SORCS3: variants seen among roughly 807,000 people sequenced by gnomAD.
SORCS3 encodes the protein VPS10 domain-containing receptor SorCS3.
SORCS3 carries 57 observed loss-of-function variants against 146.3 expected under a neutral mutation model. That is an observed-to-expected ratio of 0.39 (90% confidence interval 0.31 to 0.49). The LOEUF (loss-of-function observed/expected upper bound fraction) is 0.49, where lower values mean the gene tolerates loss of function less well. Among genes scored for constraint, SORCS3 ranks in the 20% least tolerant of loss-of-function variants. The probability of loss-of-function intolerance (pLI) is 0.92; values close to 1 mark genes in which losing one functional copy is unlikely to be tolerated. For synonymous variants in SORCS3, 653 were observed against 618.5 expected, an observed-to-expected ratio of 1.06 and a Z score of -0.83; for missense variants, 1,341 against 1,575.5, an observed-to-expected ratio of 0.85 and a Z score of 2.52.
intron 1 of SORCS3, among the ~76,000 whole-genome samples, chr10:104,805,752 T>A (rs1236394019): frequency 6.6e-6 from 1 of 152,156 alleles, no homozygotes; most frequent in East Asian, 1.9e-4. Context: ...ATTCCTGTCA[T>A]TTCCCAGCCT....
In SORCS3 at chr10:105,263,389, G is replaced by A. The variant is rs773040585; in HGVS notation, c.*15G>A. The A allele has an allele frequency of 8.8e-5, 142 of 1,613,060 alleles. No homozygotes were observed. In the East Asian group the frequency reaches 1.7e-3, roughly 19 times the overall value. ...CTAGTGTTTAATACCAGCAAGCCAC[G>A]TGGTCAACCACCTTTCTGACTTTTT... On this transcript the variant is annotated 3_prime_UTR_variant, in exon 27 of 27. Coordinates refer to ENST00000369701, the MANE Select transcript of SORCS3 (RefSeq NM_014978.3).
chr10:105,106,089 G>T (rs191109758), intron 7 of SORCS3, among the ~76,000 whole-genome samples: 37 of 152,084 alleles, frequency 2.4e-4, no homozygotes, highest in Admixed American at 6.6e-4. Flanking sequence ...TCTCTATTGT[G>T]TACTATAAGG....
At chr10:104,736,289 G>A (rs143378124) in intron 1 of SORCS3, among the ~76,000 whole-genome samples, 1,912 of 152,262 alleles carry the variant, frequency 0.013, 32 homozygotes, top group African/African-American at 0.038. Flanking sequence ...AGGCCACGGC[G>A]GGGCGGGTTG....
rs533908542 is a variant in SORCS3 at position 105,137,955 on chromosome 10, G to A, written c.1213-1442G>A. Among the ~76,000 whole-genome samples, 219 of 150,274 alleles carry A rather than the reference G, an allele frequency of 1.5e-3. 2 individuals are homozygous for A. Among genetic ancestry groups the A allele is most frequent in the Admixed American group, 5.6e-3 (85 of 15,086 alleles). On this transcript the variant is annotated intron_variant, in intron 7 of 26. Transcript: ENST00000369701. Reference sequence around the variant, plus strand: ...TAAGGATGATATTTTATGCACTTGAGACTTATTTGGAAAAGGAAAAAGACT... The same window carrying A: ...TAAGGATGATATTTTATGCACTTGAAACTTATTTGGAAAAGGAAAAAGACT...
At chr10:104,768,523 A>G (rs1428254728) in intron 1 of SORCS3, among the ~76,000 whole-genome samples, 1 of 152,232 alleles carries the variant, frequency 6.6e-6, no homozygotes, top group African/African-American at 2.4e-5. Context: ...AAAAAATTAG[A>G]TAAGCAAAAA....
At chr10:104,988,774 A>G (rs910417401) in intron 4 of SORCS3, among the ~76,000 whole-genome samples, 22 of 152,338 alleles carry the variant, frequency 1.4e-4, no homozygotes, top group Middle Eastern at 3.4e-3. Flanking sequence ...TGTTTGTTCA[A>G]TTTGCTAAAG....
chr10:105,179,173 A>G (rs1033697372), intron 14 of SORCS3, among the ~76,000 whole-genome samples: 3 of 152,166 alleles, frequency 2.0e-5, no homozygotes, highest in Admixed American at 2.0e-4. Flanking sequence ...TATGAGGCCT[A>G]TTTGAACTCA....
In SORCS3 at chr10:104,877,657, G is replaced by A. The variant is rs556236408; in HGVS notation, c.695+34798G>A. Among the ~76,000 whole-genome samples, 145 of 152,200 alleles carry A rather than the reference G, an allele frequency of 9.5e-4. 7 individuals carry two copies. The South Asian group carries it at 0.029, about 31-fold the overall frequency. On this transcript the variant is annotated intron_variant, in intron 2 of 26. Transcript: ENST00000369701. ...TGTATACAAATCATTTCAATGCAAG[G>A]CCATTTAAGGGAATACCATATAAGG...
At chr10:104,968,164 G>A (rs138105589) in intron 3 of SORCS3, among the ~76,000 whole-genome samples, 2,174 of 152,250 alleles carry the variant, frequency 0.014, 47 homozygotes, top group African/African-American at 0.05. Flanking sequence ...TGCCCAAGCT[G>A]GAGTGTAATG....
At chr10:104,941,264 G>A (rs1020562031) in intron 3 of SORCS3, among the ~76,000 whole-genome samples, 2 of 152,050 alleles carry the variant, frequency 1.3e-5, no homozygotes, top group African/African-American at 4.8e-5. Flanking sequence ...TAACCTCCTG[G>A]GATGCAGCTC....
chr10:104,830,833 G>T (rs2017992542), intron 1 of SORCS3, among the ~76,000 whole-genome samples: 2 of 151,870 alleles, frequency 1.3e-5, no homozygotes, highest in Non-Finnish European at 2.9e-5. Flanking sequence ...TTCTTTTGAG[G>T]CAAGGTCTTT....
intron 1 of SORCS3, among the ~76,000 whole-genome samples, chr10:104,786,724 C>T (rs957744985): frequency 6.6e-6 from 1 of 152,046 alleles, no homozygotes; most frequent in African/African-American, 2.4e-5. Flanking sequence ...CAGGTCCTTG[C>T]CTCTGTGGGT....
chr10:105,122,874 T>C (rs1369005770), intron 7 of SORCS3, among the ~76,000 whole-genome samples: 2 of 152,170 alleles, frequency 1.3e-5, no homozygotes, highest in Non-Finnish European at 2.9e-5. Flanking sequence ...GAAGTGACTC[T>C]TGGAAGGAGA....
chr10:105,185,328 A>G (rs1241105882), intron 14 of SORCS3, among the ~76,000 whole-genome samples: 1 of 152,142 alleles, frequency 6.6e-6, no homozygotes, highest in Non-Finnish European at 1.5e-5. Flanking sequence ...TGGAGCCCAC[A>G]TTTGCAAAAT....
chr10:104,711,303 T>C (rs2016413354), intron 1 of SORCS3, among the ~76,000 whole-genome samples: 2 of 152,216 alleles, frequency 1.3e-5, no homozygotes, highest in Non-Finnish European at 1.5e-5. Flanking sequence ...GGTTTTAAAC[T>C]TGGACAGTCT....
intron 2 of SORCS3, among the ~76,000 whole-genome samples, chr10:104,861,748 G>A (rs1466075384): frequency 6.6e-6 from 1 of 152,172 alleles, no homozygotes; most frequent in Non-Finnish European, 1.5e-5. Flanking sequence ...GTGTCAGCCT[G>A]ATAGGGCCAC....
At chr10:105,025,363 C>G (rs964749028) in intron 4 of SORCS3, among the ~76,000 whole-genome samples, 5 of 152,102 alleles carry the variant, frequency 3.3e-5, no homozygotes, top group African/African-American at 1.2e-4. Context: ...CTTTGAGCAA[C>G]AAGTCATGTC....
At chr10:104,914,941 T>G (rs1354983109) in intron 2 of SORCS3, among the ~76,000 whole-genome samples, 1 of 147,790 alleles carries the variant, frequency 6.8e-6, no homozygotes, top group East Asian at 2.0e-4. Context: ...AGGACAGTGA[T>G]GACGGGAAGA....
intron 3 of SORCS3, among the ~76,000 whole-genome samples, chr10:104,943,199 G>A (rs1039760472): frequency 1.3e-5 from 2 of 152,030 alleles, no homozygotes; most frequent in African/African-American, 4.8e-5. Context: ...GTGCATTCTT[G>A]GCTCACTGCA....
Sources: gnomAD v4.1 joint callset for allele counts (sites outside exome capture counted in the v4.1 genomes callset) on GRCh38, gnomAD v4.1.1 for gene constraint, MANE v1.5 for transcripts, NCBI Gene and HGNC (gene_info 2026-07-23, HGNC 2026-07-21) for gene names.